The following TYW1B variants were observed in gnomAD, a reference collection of about 807,000 sequenced individuals.
TYW1B encodes the protein tRNA-yW synthesizing protein 1 homolog B.
TYW1B carries 73 observed loss-of-function variants against 86.9 expected under a neutral mutation model. The observed-to-expected ratio is 0.84, with a 90% CI of 0.70 to 1.02. The LOEUF (loss-of-function observed/expected upper bound fraction) is 1.02, where lower values mean the gene tolerates loss of function less well. TYW1B is among the 50% of genes least tolerant of loss of function. The pLI, the probability that TYW1B is intolerant of heterozygous loss-of-function variation, is 0.00. For missense variants in TYW1B, 637 were observed against 827.4 expected, an observed-to-expected ratio of 0.77 and a Z score of 2.82; for synonymous variants, 248 against 292.8, an observed-to-expected ratio of 0.85 and a Z score of 1.56.
chr7:72,809,974 G>A (rs529135742), intron 4 of TYW1B, among the ~76,000 whole-genome samples: 1 of 135,012 alleles, frequency 7.4e-6, no homozygotes, highest in Non-Finnish European at 1.6e-5. Flanking sequence ...CACTCCAGCT[G>A]GGGGATAGAG....
intron 13 of TYW1B, among the ~76,000 whole-genome samples, chr7:72,601,782 A>G (rs1485892213): frequency 1.3e-5 from 2 of 151,714 alleles, no homozygotes; most frequent in South Asian, 2.1e-4. Flanking sequence ...AAAAAAAAAG[A>G]AAGAAGCCAG....
At chr7:72,820,286 C>G (rs1467638044) in intron 2 of TYW1B, among the ~76,000 whole-genome samples, 2 of 151,958 alleles carry the variant, frequency 1.3e-5, no homozygotes, top group African/African-American at 4.8e-5. Flanking sequence ...AAAAAGAAAA[C>G]AAGAAATTTC....
Position 72,807,216 on chromosome 7 carries a change from G to C in TYW1B, c.573C>G (p.Ile191Met). 6.2e-7 allele frequency: 1 copy of C among 1,614,136 alleles called. No homozygotes were observed. Among genetic ancestry groups the C allele is most frequent in the Non-Finnish European group, 8.5e-7 (1 of 1,180,020 alleles). Residue 191 changes from isoleucine to methionine, a missense_variant, in exon 5 of 14, where the codon ATC becomes ATG. Transcript: ENST00000620995. The stretch of plus-strand genomic sequence containing the variant: ...CTTTCTGAAGTGCCTGCAGCTGGGA[G>C]ATGAACTTGGTCTTCCATGCTCTGA... ...ANFRAWKTKF[I>M]SQLQALQKGE...
Position 72,590,251 on chromosome 7 carries a change from C to T in TYW1B, c.1786-14532G>A, listed in dbSNP as rs1811365233. Reference sequence around the variant, plus strand: ...CAAAGCCACTACCAGTCCCTGACGACTCAGCCCCATGGCAGGCAGCTGTGT... The same window carrying T: ...CAAAGCCACTACCAGTCCCTGACGATTCAGCCCCATGGCAGGCAGCTGTGT... On this transcript the variant is annotated intron_variant, in intron 13 of 13. Transcript: ENST00000620995. 2.6e-5 allele frequency among the ~76,000 whole-genome samples: 4 copies of T among 152,244 alleles called. No homozygotes were observed. In the South Asian group the frequency reaches 8.3e-4, roughly 31 times the overall value.
intron 9 of TYW1B, among the ~76,000 whole-genome samples, chr7:72,726,717 T>A (rs576577984): frequency 6.6e-6 from 1 of 152,148 alleles, no homozygotes; most frequent in Non-Finnish European, 1.5e-5. Flanking sequence ...ATTATTTGCA[T>A]GACTTTTCTC....
chr7:72,698,170 GAGA>G (rs1364172190), intron 10 of TYW1B, among the ~76,000 whole-genome samples: 2 of 152,162 alleles, frequency 1.3e-5, no homozygotes, highest in Non-Finnish European at 2.9e-5. Context: ...GAGGGTGAAA[GAGA>G]AGGAGAGAAT....
At chr7:72,827,997 C>G in intron 1 of TYW1B, 75 bp downstream of exon 1, 1 of 1,599,488 alleles carries the variant, frequency 6.3e-7, no homozygotes. Flanking sequence ...GGACGCCACT[C>G]CGCCCGGAGA....
intron 11 of TYW1B, among the ~76,000 whole-genome samples, chr7:72,677,574 A>C (rs1378573484): frequency 1.3e-5 from 2 of 152,214 alleles, no homozygotes; most frequent in Non-Finnish European, 2.9e-5. Context: ...GGCGGAATGA[A>C]AAATGGCTAC....
At chr7:72,728,715 A>T in intron 9 of TYW1B, 107 bp downstream of exon 9, 3 of 1,116,834 alleles carry the variant, frequency 2.7e-6, no homozygotes, top group South Asian at 3.2e-5. Context: ...CCTTAGAGGA[A>T]AATTTGCCAG....
intron 7 of TYW1B, among the ~76,000 whole-genome samples, chr7:72,758,935 G>C (rs782100375): frequency 6.6e-6 from 1 of 151,934 alleles, no homozygotes; most frequent in Non-Finnish European, 1.5e-5. Flanking sequence ...TCTTATCTTG[G>C]GTTATTTTCA....
At chr7:72,630,705 T>C (rs562536561) in intron 11 of TYW1B, among the ~76,000 whole-genome samples, 1 of 152,338 alleles carries the variant, frequency 6.6e-6, no homozygotes. Context: ...TTTACTCATG[T>C]GTACTCAAAA....
At chr7:72,665,031 A>G (rs565138895) in intron 11 of TYW1B, among the ~76,000 whole-genome samples, 1 of 152,036 alleles carries the variant, frequency 6.6e-6, no homozygotes, top group Non-Finnish European at 1.5e-5. Flanking sequence ...GAATATTTTC[A>G]ATGTGTGGTT....
chr7:72,672,019 T>C (rs1448001071), intron 11 of TYW1B, among the ~76,000 whole-genome samples: 6 of 150,368 alleles, frequency 4.0e-5, no homozygotes, highest in African/African-American at 1.5e-4. Flanking sequence ...AATTCCCACG[T>C]TGTGGGGGGA....
chr7:72,765,261 T>G (rs1787751374), intron 7 of TYW1B, among the ~76,000 whole-genome samples: 1 of 152,192 alleles, frequency 6.6e-6, no homozygotes, highest in South Asian at 2.1e-4. Flanking sequence ...AATCTGAGAT[T>G]CCTGTGTGAT....
intron 13 of TYW1B, among the ~76,000 whole-genome samples, chr7:72,576,589 T>G (rs1238238834): frequency 6.7e-6 from 1 of 149,182 alleles, no homozygotes; most frequent in East Asian, 2.1e-4. Flanking sequence ...CTCGGCTCAC[T>G]GCAAGCTCCG....
At chr7:72,619,368 G>A (rs1198097757) in intron 12 of TYW1B, among the ~76,000 whole-genome samples, 9 of 152,056 alleles carry the variant, frequency 5.9e-5, no homozygotes, top group African/African-American at 1.2e-4. Flanking sequence ...CGGGCCGGGC[G>A]CGGTGGCTCA....
intron 11 of TYW1B, among the ~76,000 whole-genome samples, chr7:72,660,305 T>C (rs145186135): frequency 1.3e-5 from 2 of 151,994 alleles, no homozygotes; most frequent in African/African-American, 4.8e-5. Flanking sequence ...GCCCAGGAGA[T>C]CGAGGCTGCA....
chr7:72,721,894 A>T (rs1326077738), intron 9 of TYW1B, among the ~76,000 whole-genome samples: 1 of 152,204 alleles, frequency 6.6e-6, no homozygotes, highest in African/African-American at 2.4e-5. Flanking sequence ...AGAACTTAAG[A>T]TCCTAAAATT....
At chr7:72,815,263 C>G in intron 3 of TYW1B, 117 bp downstream of exon 3, 4 of 968,026 alleles carry the variant, frequency 4.1e-6, no homozygotes, top group Non-Finnish European at 6.0e-6. Flanking sequence ...ACTGAAATCC[C>G]TTAGCACGAA....
Sources: allele counts gnomAD v4.1 joint callset (sites outside exome capture counted in the v4.1 genomes callset), GRCh38; gene constraint gnomAD v4.1.1; transcripts MANE v1.5; gene names NCBI Gene and HGNC (gene_info 2026-07-23, HGNC 2026-07-21).